Variants in JOSD1 observed in about 807,000 individuals in gnomAD.
The protein encoded by JOSD1 is josephin-1.
Under a neutral mutation model 24.3 loss-of-function variants are expected in JOSD1, and 11 were observed. That is an observed-to-expected ratio of 0.45 (90% CI 0.29 to 0.75). The LOEUF (loss-of-function observed/expected upper bound fraction) is 0.75, where lower values mean the gene tolerates loss of function less well. Ranked by LOEUF, JOSD1 falls within the 30% of genes least tolerant of loss-of-function variation. The pLI is 0.11. For missense variants in JOSD1, 184 were observed against 253.5 expected (o/e 0.73, Z 1.86); for synonymous variants, 106 against 93.8 (o/e 1.13, Z -0.75).
In JOSD1 at chr22:38,687,879, G is replaced by A. The variant is rs373810540; in HGVS notation, c.*23C>T. On this transcript the variant is annotated 3_prime_UTR_variant, in exon 5 of 5. Transcript: ENST00000683374. ...CACAGAGGACTGAAGGGGCTGAGGC[G>A]AGAGGGAGGTTGGGCAGAACTGTTA... is the stretch of plus-strand genomic sequence containing the variant. The A allele has an allele frequency of 1.6e-4, 248 of 1,536,972 alleles. No individual in the cohort carries two copies. The highest frequency in any genetic ancestry group is 1.7e-4 in the Non-Finnish European group (188 of 1,109,798).
Position 38,699,705 on chromosome 22 carries a change from T to C in JOSD1, c.185+98A>G, listed in dbSNP as rs551415150. On this transcript the variant is annotated intron_variant, in intron 2 of 4. Transcript: ENST00000683374. ...ATACCTGCTAACGCAATCTAGCTAA[T>C]ACCTACAGCTTTGAAGGTTTATGAA... The C allele has an allele frequency of 1.4e-5, 16 of 1,147,996 alleles. No individual in the cohort carries two copies. The South Asian group carries it at 2.0e-4, about 14-fold the overall frequency. The allele number at this position is 1,147,996 out of a possible 1,614,324, so 71.1% of individuals were successfully genotyped here.
chr22:38,689,575 AT>A, intron 2 of JOSD1, 151 bp from the exon 3 acceptor site: 2 of 1,031,316 alleles, frequency 1.9e-6, no homozygotes, highest in Non-Finnish European at 1.4e-6. Context: ...CTACCTAAGT[AT>A]TTTGTAAGTG....
rs1373021882 is a variant in JOSD1, at chr22:38,687,209, C to T, written c.*693G>A. 1 of 152,262 alleles carries T rather than the reference C, an allele frequency of 6.6e-6. No individual in the cohort carries two copies. Among genetic ancestry groups the T allele is most frequent in the Admixed American group, 6.5e-5 (1 of 15,278 alleles). 9.4% of individuals were successfully genotyped at this position (152,262 alleles called of 1,614,324 possible). A position where few individuals can be genotyped will look rare whatever the true frequency, so the allele number is the denominator to read the frequency against. ...TGGCAGGCGCCTGTAATCCCAACTACTTGGGAAGCTGAGGCCTGAGAATCG... is the reference window on the plus strand; with the variant it reads ...TGGCAGGCGCCTGTAATCCCAACTATTTGGGAAGCTGAGGCCTGAGAATCG... On this transcript the variant is annotated 3_prime_UTR_variant, in exon 5 of 5. Transcript: ENST00000683374.
upstream of JOSD1, chr22:38,701,043 C>CGTGGCGTCACGCCTGACGTAAGT: frequency 1.1e-6 from 1 of 929,558 alleles, no homozygotes; most frequent in Middle Eastern, 5.5e-4. Context: ...TCCTCCCAGC[C>CGTGGCGTCACGCCTGACGTAAGT]GTGGCGTCAC....
chr22:38,688,016 A>T lies in JOSD1; in HGVS notation c.510-15T>A. 1.3e-6 allele frequency: 2 copies of T among 1,589,382 alleles called. No homozygotes were observed. Among genetic ancestry groups the T allele is most frequent in the Non-Finnish European group, 1.7e-6 (2 of 1,157,678 alleles). ...TTAGAAACTTCCTATGGAAAAAGAG[A>T]TAGAGAAAATGAAATGCTGGCAAGT... On this transcript the variant is annotated splice_polypyrimidine_tract_variant and intron_variant, in intron 4 of 4. Coordinates refer to ENST00000683374, the MANE Select transcript of JOSD1 (RefSeq NM_001360236.2).
At chr22:38,699,157 T>A (rs1040841609) in intron 2 of JOSD1, among the ~76,000 whole-genome samples, 3 of 152,258 alleles carry the variant, frequency 2.0e-5, no homozygotes, top group Non-Finnish European at 2.9e-5. Context: ...AAATTATAGC[T>A]TTGCTATTTA....
chr22:38,700,175 C>T lies in JOSD1; in HGVS notation c.-188G>A, dbSNP rs1456841072. On this transcript the variant is annotated 5_prime_UTR_variant, in exon 2 of 5. Coordinates refer to ENST00000683374, the MANE Select transcript of JOSD1 (RefSeq NM_001360236.2). Reference sequence around the variant, plus strand: ...GAAAAAAATAAAACCCACCTCTTCTCTCTTCTCAATAGAAAAATAACTTTT... The same window carrying T: ...GAAAAAAATAAAACCCACCTCTTCTTTCTTCTCAATAGAAAAATAACTTTT... 3 of 1,306,654 alleles carry T rather than the reference C, an allele frequency of 2.3e-6. No individual in the cohort carries two copies. The highest frequency in any genetic ancestry group is 2.9e-6 in the Non-Finnish European group (3 of 1,028,708). The allele number at this position is 1,306,654 out of a possible 1,614,324, so 80.9% of individuals were successfully genotyped here. A position where few individuals can be genotyped will look rare whatever the true frequency, so the allele number is the denominator to read the frequency against.
chr22:38,693,590 G>A (rs2092532614), intron 2 of JOSD1, among the ~76,000 whole-genome samples: 1 of 152,128 alleles, frequency 6.6e-6, no homozygotes, highest in South Asian at 2.1e-4. Flanking sequence ...TGATCATATG[G>A]CCTTTATTCT....
intron 2 of JOSD1, among the ~76,000 whole-genome samples, chr22:38,692,675 G>C (rs2092527978): frequency 6.6e-6 from 1 of 151,264 alleles, no homozygotes; most frequent in East Asian, 1.9e-4. Context: ...CAGCTACTCG[G>C]GAGGCTGAGG....
chr22:38,695,036 T>G (rs1170144553), intron 2 of JOSD1, among the ~76,000 whole-genome samples: 2 of 152,122 alleles, frequency 1.3e-5, no homozygotes, highest in Non-Finnish European at 2.9e-5. Flanking sequence ...ATCAAGATTC[T>G]TTTCCCCGCC....
Position 38,689,912 on chromosome 22 carries a change from C to CTGTGTGTGTGTGTGTGTGTG in JOSD1, c.186-508_186-489dup, listed in dbSNP as rs57064558. Among the ~76,000 whole-genome samples, 923 of 144,606 alleles carry CTGTGTGTGTGTGTGTGTGTG rather than the reference C, an allele frequency of 6.4e-3. 14 individuals are homozygous for CTGTGTGTGTGTGTGTGTGTG. Among genetic ancestry groups the CTGTGTGTGTGTGTGTGTGTG allele is most frequent in the African/African-American group, 0.019 (725 of 37,858 alleles). The allele number at this position is 144,606 out of a possible 152,430, so 94.9% of individuals were successfully genotyped here. ...AATGCACGACCCACCTAAAGGCATT[C>CTGTGTGTGTGTGTGTGTGTG]TGTGTGTGTGTGTGTGTGTGTGTGT... On this transcript the variant is annotated intron_variant, in intron 2 of 4. Coordinates refer to ENST00000683374, the MANE Select transcript of JOSD1 (RefSeq NM_001360236.2).
In JOSD1 at chr22:38,689,332, G is replaced by C; in HGVS notation, c.278C>G (p.Thr93Ser). The C allele has an allele frequency of 4.3e-6, 7 of 1,614,252 alleles. No individual in the cohort carries two copies. The highest frequency in any genetic ancestry group is 5.9e-6 in the Non-Finnish European group (7 of 1,180,050). The stretch of plus-strand genomic sequence containing the variant: ...CCACCAAACAGCTTCATAGCCTTTG[G>C]TCTGAAGTGCTGCCATAATGACATT... ...DVNVIMAALQ[T>S]KGYEAVWWDK... is the part of the protein sequence containing the mutation. Residue 93 changes from threonine (T) to serine (S), a missense_variant, in exon 3 of 5, where the codon ACC becomes AGC. Physicochemically the swap from Thr to Ser is moderately conservative, Grantham distance 58 (BLOSUM62 1). Transcript: ENST00000683374.
chr22:38,687,684 C>A lies in JOSD1; in HGVS notation c.*218G>T. Reference sequence around the variant, plus strand: ...TAAAACAAGGGTTTGTGACCACTGGCCTTAAGTGCACAGAACTCCTACCTT... The same window carrying A: ...TAAAACAAGGGTTTGTGACCACTGGACTTAAGTGCACAGAACTCCTACCTT... On this transcript the variant is annotated 3_prime_UTR_variant, in exon 5 of 5. Transcript: ENST00000683374. 1 of 521,268 alleles carries A rather than the reference C, an allele frequency of 1.9e-6. No homozygotes were observed. The highest frequency in any genetic ancestry group is 3.4e-6 in the Non-Finnish European group (1 of 294,604). 32.3% of individuals were successfully genotyped at this position (521,268 alleles called of 1,614,324 possible).
chr22:38,700,950 G>A (rs1488471889), upstream of JOSD1: 8 of 984,806 alleles, frequency 8.1e-6, no homozygotes, highest in Non-Finnish European at 9.6e-6. Context: ...TGGGCCGTGC[G>A]GGCGGGCGCG....
chr22:38,688,886 C>T (rs748125990), intron 4 of JOSD1, 49 bp downstream of exon 4: 10 of 1,537,696 alleles, frequency 6.5e-6, no homozygotes, highest in South Asian at 1.2e-5. Flanking sequence ...TGTCCCCAAC[C>T]TAAGAAATGA....
intron 2 of JOSD1, among the ~76,000 whole-genome samples, chr22:38,691,910 T>C (rs2092524104): frequency 6.6e-6 from 1 of 152,220 alleles, no homozygotes. Context: ...TGACTATCTG[T>C]GAACGCTACA....
In JOSD1 at chr22:38,695,444, G is replaced by GATTTTT. The variant is rs774166895; in HGVS notation, c.185+4358_185+4359insAAAAAT. Among the ~76,000 whole-genome samples, 6 of 114,774 alleles carry GATTTTT rather than the reference G, an allele frequency of 5.2e-5. 1 individual carries two copies. Among genetic ancestry groups the GATTTTT allele is most frequent in the African/African-American group, 6.3e-5 (2 of 31,972 alleles). The allele number at this position is 114,774 out of a possible 152,430, so 75.3% of individuals were successfully genotyped here. ...TTGATACCAAGCTACTTTTTGCCTA[G>GATTTTT]TTTTTTTTTTTTTTTTTTTTTGAGA... is the stretch of plus-strand genomic sequence containing the variant. On this transcript the variant is annotated intron_variant, in intron 2 of 4. Transcript: ENST00000683374.
At chr22:38,699,698 T>C (rs2092559657) in intron 2 of JOSD1, 105 bp downstream of exon 2, 4 of 1,088,824 alleles carry the variant, frequency 3.7e-6, no homozygotes, top group Admixed American at 3.7e-5. Context: ...TAACGCAATC[T>C]AGCTAATACC....
intron 2 of JOSD1, among the ~76,000 whole-genome samples, chr22:38,691,672 T>C (rs1375626042): frequency 6.6e-6 from 1 of 152,192 alleles, no homozygotes; most frequent in Non-Finnish European, 1.5e-5. Context: ...AGAGGCCTTT[T>C]CTTTTTCTTT....
Sources: allele counts gnomAD v4.1 joint callset (sites outside exome capture counted in the v4.1 genomes callset), GRCh38; gene constraint gnomAD v4.1.1; transcripts MANE v1.5; gene names NCBI Gene and HGNC (gene_info 2026-07-23, HGNC 2026-07-21).